CACNA1A: variants seen among roughly 807,000 people sequenced by gnomAD.
The protein encoded by CACNA1A is calcium voltage-gated channel subunit alpha1 A.
CACNA1A carries 57 observed loss-of-function variants against 262.4 expected under a neutral mutation model. That is an observed-to-expected ratio of 0.22 (90% CI 0.18 to 0.27). The LOEUF (loss-of-function observed/expected upper bound fraction) is 0.27, where lower values mean the gene tolerates loss of function less well. Ranked by LOEUF, CACNA1A falls within the 10% of genes least tolerant of loss-of-function variation. The probability of loss-of-function intolerance (pLI) is 1.00; values close to 1 mark genes in which losing one functional copy is unlikely to be tolerated. For missense variants in CACNA1A, 2,526 were observed against 3,562.8 expected (o/e 0.71, Z 7.41); for synonymous variants, 1,431 against 1,419.3 (o/e 1.01, Z -0.18).
intron 6 of CACNA1A, among the ~76,000 whole-genome samples, chr19:13,337,214 T>A (rs1465597327): frequency 6.6e-6 from 1 of 152,180 alleles, no homozygotes; most frequent in African/African-American, 2.4e-5. Flanking sequence ...AACAAAGATT[T>A]ATTGTCTTAC....
At chr19:13,436,944 G>A (rs1446569017) in intron 3 of CACNA1A, among the ~76,000 whole-genome samples, 1 of 152,250 alleles carries the variant, frequency 6.6e-6, no homozygotes, top group Non-Finnish European at 1.5e-5. Context: ...CAAACAATGA[G>A]TACACATGTG....
chr19:13,276,977 G>C (rs2057165656), intron 23 of CACNA1A, 92 bp downstream of exon 23: 1 of 824,248 alleles, frequency 1.2e-6, no homozygotes, highest in African/African-American at 1.7e-5. Flanking sequence ...CTCCCAAAGT[G>C]CTGGGATTAC....
At chr19:13,280,192 T>C (rs1446393315) in intron 22 of CACNA1A, among the ~76,000 whole-genome samples, 1 of 151,966 alleles carries the variant, frequency 6.6e-6, no homozygotes, top group Non-Finnish European at 1.5e-5. Flanking sequence ...TTCTTATTTA[T>C]TGAGACAGGG....
chr19:13,493,197 G>A (rs1471751060), intron 1 of CACNA1A, among the ~76,000 whole-genome samples: 1 of 152,168 alleles, frequency 6.6e-6, no homozygotes, highest in Non-Finnish European at 1.5e-5. Flanking sequence ...AGCTGGCTTA[G>A]ACACCCAGCT....
intron 11 of CACNA1A, chr19:13,315,234 C>G (rs1442678425): frequency 1.6e-5 from 2 of 126,512 alleles, no homozygotes; most frequent in Non-Finnish European, 3.1e-5. Context: ...TGGCGTCTAG[C>G]TCTGTTGCCC....
In CACNA1A at chr19:13,298,895, G is replaced by A; in HGVS notation, c.2738C>T (p.Pro913Leu). 6.3e-7 allele frequency: 1 copy of A among 1,594,548 alleles called. No homozygotes were observed. Among genetic ancestry groups the A allele is most frequent in the Non-Finnish European group, 8.5e-7 (1 of 1,177,876 alleles). ...HHAREGSLEQ[P>L]GFWEGEAERG... ...CTCGGCCTCGCCCTCCCAGAACCCG[G>A]GTTGCTCCAGGCTGCCCTCCCGGGC... The change falls in exon 19 of 47, where the codon CCC (proline) becomes CTC (leucine). Residue 913 changes from proline to leucine, a missense_variant. Pro to Leu is a moderately conservative substitution (Grantham distance 98). Coordinates refer to ENST00000360228, the MANE Select transcript of CACNA1A (RefSeq NM_001127222.2).
chr19:13,294,487 CTTTTTT>C (rs780908964), intron 19 of CACNA1A, among the ~76,000 whole-genome samples: 13 of 72,520 alleles, frequency 1.8e-4, no homozygotes, highest in South Asian at 1.6e-3. Flanking sequence ...CTGTACCTGG[CTTTTTT>C]TTTTTTTTTT....
chr19:13,308,085 G>A lies in CACNA1A; in HGVS notation c.1913+35C>T, dbSNP rs778352373. ...GTGTGTTCCCTGAGCCTGACCCCAG[G>A]GAACCAGGAGTTGGAATTCCTGTGA... On this transcript the variant is annotated intron_variant, in intron 14 of 46. Coordinates refer to ENST00000360228, the MANE Select transcript of CACNA1A (RefSeq NM_001127222.2). The surrounding 1 kb of genome is among the most constrained non-coding windows in gnomAD (Gnocchi z 4.2). The A allele has an allele frequency of 1.9e-6, 3 of 1,612,320 alleles. No individual in the cohort carries two copies. In the Admixed American group the frequency reaches 5.0e-5, roughly 27 times the overall value.
intron 4 of CACNA1A, among the ~76,000 whole-genome samples, chr19:13,367,131 T>C (rs2144533158): frequency 6.6e-6 from 1 of 151,796 alleles, no homozygotes; most frequent in South Asian, 2.1e-4. Context: ...CCATCTCTAC[T>C]AAAAATACAA....
chr19:13,251,289 C>T lies in CACNA1A; in HGVS notation c.4866+1702G>A, dbSNP rs574637983. Among the ~76,000 whole-genome samples, 4 of 152,240 alleles carry T rather than the reference C, an allele frequency of 2.6e-5. No individual in the cohort carries two copies. The East Asian group carries it at 7.7e-4, about 29-fold the overall frequency. ...ATGAGGTCAGGAAATCAAGACCATC[C>T]TGGCCAACATGGTGAAACCCCATCT... On this transcript the variant is annotated intron_variant, in intron 30 of 46. Coordinates refer to ENST00000360228, the MANE Select transcript of CACNA1A (RefSeq NM_001127222.2).
chr19:13,428,431 T>C (rs963361152), intron 3 of CACNA1A, among the ~76,000 whole-genome samples: 5 of 152,174 alleles, frequency 3.3e-5, no homozygotes, highest in Non-Finnish European at 7.4e-5. Flanking sequence ...TAGCACATAG[T>C]AGAACCTCAG....
chr19:13,469,258 G>A (rs908156113), intron 1 of CACNA1A, among the ~76,000 whole-genome samples: 20 of 152,176 alleles, frequency 1.3e-4, no homozygotes, highest in Non-Finnish European at 1.5e-5. Flanking sequence ...GACGGAACCT[G>A]TTAACATTTG....
chr19:13,261,414 G>A, intron 26 of CACNA1A, 36 bp downstream of exon 26: 1 of 1,534,836 alleles, frequency 6.5e-7, no homozygotes, highest in Non-Finnish European at 8.8e-7. Context: ...CCACCTGCTG[G>A]TTCCAATGGG....
intron 3 of CACNA1A, among the ~76,000 whole-genome samples, chr19:13,410,585 T>G (rs1445321183): frequency 1.3e-5 from 2 of 148,942 alleles, no homozygotes; most frequent in East Asian, 4.0e-4. Context: ...GAAATCCACT[T>G]CCCCCACCAG....
chr19:13,430,433 C>T (rs2060486550), intron 3 of CACNA1A, among the ~76,000 whole-genome samples: 2 of 152,106 alleles, frequency 1.3e-5, no homozygotes, highest in South Asian at 4.1e-4. Flanking sequence ...TCTCAAACTC[C>T]TGAACTCAGG....
chr19:13,376,543 ATAT>A (rs2059406586), intron 3 of CACNA1A, among the ~76,000 whole-genome samples: 1 of 149,612 alleles, frequency 6.7e-6, no homozygotes, highest in East Asian at 1.9e-4. Flanking sequence ...AGAAAAAAAT[ATAT>A]ATATAATATA....
At chr19:13,238,334 C>T (rs975013600) in intron 31 of CACNA1A, among the ~76,000 whole-genome samples, 15 of 152,230 alleles carry the variant, frequency 9.9e-5, no homozygotes, top group African/African-American at 2.9e-4. Flanking sequence ...ATGAGGACAG[C>T]GTCCTTGTGG....
At chr19:13,430,730 G>A (rs1648766806) in intron 3 of CACNA1A, among the ~76,000 whole-genome samples, 1 of 152,198 alleles carries the variant, frequency 6.6e-6, no homozygotes, top group Non-Finnish European at 1.5e-5. Flanking sequence ...TGGCATTCTA[G>A]TGGGGGCAGG....
chr19:13,211,900 C>T (rs1256814515), intron 43 of CACNA1A: 1 of 563,914 alleles, frequency 1.8e-6, no homozygotes, highest in Non-Finnish European at 3.2e-6. Flanking sequence ...TCTCTGTCCT[C>T]TGTGAGGGAG....
Sources: allele counts gnomAD v4.1 joint callset (sites outside exome capture counted in the v4.1 genomes callset), GRCh38; gene constraint gnomAD v4.1.1; non-coding constraint Gnocchi (gnomAD v3.1); transcripts MANE v1.5; gene names NCBI Gene and HGNC (gene_info 2026-07-23, HGNC 2026-07-21).